Variants in XRRA1 observed in about 807,000 individuals in gnomAD.
XRRA1 encodes the protein X-ray radiation resistance-associated protein 1.
Under a neutral mutation model 80.2 loss-of-function variants are expected in XRRA1, and 69 were observed. The observed-to-expected ratio is 0.86, with a 90% CI of 0.71 to 1.05. XRRA1 has a LOEUF of 1.05. XRRA1 is among the 50% of genes least tolerant of loss of function. The pLI is 0.00. For missense variants in XRRA1, 967 were observed against 976.4 expected (o/e 0.99, Z 0.13); for synonymous variants, 348 against 389.9 (o/e 0.89, Z 1.27).
chr11:74,896,635 G>T (rs2052388468), intron 10 of XRRA1, among the ~76,000 whole-genome samples: 1 of 152,220 alleles, frequency 6.6e-6, no homozygotes, highest in African/African-American at 2.4e-5. Context: ...AAAGCCCAGT[G>T]CTGTGTTGGC....
intron 10 of XRRA1, among the ~76,000 whole-genome samples, chr11:74,877,301 C>T (rs563644550): frequency 5.3e-4 from 80 of 151,978 alleles, no homozygotes; most frequent in African/African-American, 1.9e-3. Context: ...TGTTTTTTTT[C>T]AAAGAAAAAT....
At chr11:74,859,480 T>TA (rs1245518362) in intron 11 of XRRA1, among the ~76,000 whole-genome samples, 197 bp from the exon 12 acceptor site, 2 of 152,136 alleles carry the variant, frequency 1.3e-5, no homozygotes, top group African/African-American at 4.8e-5. Flanking sequence ...TTAGGAGAAT[T>TA]AGCTTACATG....
chr11:74,882,003 A>G (rs1327788501), intron 10 of XRRA1, among the ~76,000 whole-genome samples: 55 of 143,748 alleles, frequency 3.8e-4, no homozygotes, highest in East Asian at 3.5e-3. Flanking sequence ...TGCTCTTCTC[A>G]AGGAGTATCT....
chr11:74,882,584 C>G (rs2047929763), intron 10 of XRRA1, among the ~76,000 whole-genome samples: 1 of 152,210 alleles, frequency 6.6e-6, no homozygotes, highest in Non-Finnish European at 1.5e-5. Context: ...AGGAGAGGCG[C>G]TCTGCTTTTT....
chr11:74,892,348 C>T (rs1369011457), intron 10 of XRRA1, among the ~76,000 whole-genome samples: 1 of 152,100 alleles, frequency 6.6e-6, no homozygotes, highest in Non-Finnish European at 1.5e-5. Context: ...AACTGCCTAG[C>T]CATATGTAGA....
chr11:74,928,458 G>A (rs1366942199), intron 6 of XRRA1, among the ~76,000 whole-genome samples: 2 of 152,168 alleles, frequency 1.3e-5, no homozygotes, highest in Non-Finnish European at 2.9e-5. Context: ...CTCCTGTGAG[G>A]AATGAGATTT....
Position 74,843,105 on chromosome 11 carries a change from C to A in XRRA1, c.*95G>T. 5 of 1,440,460 alleles carry A rather than the reference C, an allele frequency of 3.5e-6. No homozygotes were observed. Among genetic ancestry groups the A allele is most frequent in the African/African-American group, 2.8e-5 (2 of 70,760 alleles). The allele number at this position is 1,440,460 out of a possible 1,614,324, so 89.2% of individuals were successfully genotyped here. On this transcript the variant is annotated 3_prime_UTR_variant, in exon 19 of 19. Transcript: ENST00000684022. ...CCAGCTGAGCTCTGAGGCCTGTGGC[C>A]GGCTGGTCAACCTTGAGGTGCGGTC...
At chr11:74,922,759 A>G (rs1238885465) in intron 7 of XRRA1, among the ~76,000 whole-genome samples, 2 of 152,224 alleles carry the variant, frequency 1.3e-5, no homozygotes, top group Non-Finnish European at 2.9e-5. Context: ...TGGGTGTTTA[A>G]GTCCTGACTA....
In XRRA1 at chr11:74,848,173, C is replaced by A; in HGVS notation, c.1670G>T (p.Ser557Ile). Residue 557 changes from serine (S) to isoleucine (I), a missense_variant, in exon 15 of 19, where the codon AGC becomes ATC. Physicochemically the swap from Ser to Ile is moderately radical, Grantham distance 142. Transcript: ENST00000684022. ...SHLSDTTVRL[S>I]PERPSDEDSK... is the part of the protein sequence containing the mutation. ...GTCCTCATCTGATGGGCGCTCTGGG[C>A]TGAGGCGGACAGTTGTGTCACTCAG... 6.2e-7 allele frequency: 1 copy of A among 1,613,624 alleles called. No individual in the cohort carries two copies. The highest frequency in any genetic ancestry group is 8.5e-7 in the Non-Finnish European group (1 of 1,179,884).
chr11:74,919,654 G>A lies in XRRA1; in HGVS notation c.656+1560C>T, dbSNP rs1004631663. The A allele has an allele frequency of 5.2e-5, 29 of 554,776 alleles. 1 individual carries two copies. The highest frequency in any genetic ancestry group is 1.1e-5 in the Non-Finnish European group (3 of 281,418). 34.4% of individuals were successfully genotyped at this position (554,776 alleles called of 1,614,324 possible). The stretch of plus-strand genomic sequence containing the variant: ...TCTGCCATCAATGAGGTGGTGACCC[G>A]AGAATACACCATCAACATTCACAAG... On this transcript the variant is annotated intron_variant, in intron 8 of 18. Transcript: ENST00000684022.
intron 10 of XRRA1, among the ~76,000 whole-genome samples, chr11:74,868,564 A>C (rs898225863): frequency 1.3e-5 from 2 of 152,212 alleles, no homozygotes; most frequent in African/African-American, 4.8e-5. Flanking sequence ...TGAATAAAGA[A>C]GCAAGACCTG....
chr11:74,886,325 C>T (rs1342372640), intron 10 of XRRA1, among the ~76,000 whole-genome samples: 1 of 152,126 alleles, frequency 6.6e-6, no homozygotes, highest in East Asian at 1.9e-4. Context: ...ATAGTCTCTG[C>T]CCAAAAGCTC....
chr11:74,933,964 T>C lies in XRRA1; in HGVS notation c.280-92A>G, dbSNP rs184157273. 425 of 1,107,734 alleles carry C rather than the reference T, an allele frequency of 3.8e-4. 1 individual carries two copies. The African/African-American group carries it at 6.1e-3, about 16-fold the overall frequency. 68.6% of individuals were successfully genotyped at this position (1,107,734 alleles called of 1,614,324 possible). ...AGCCTTCTCTTGTTGGGCAATCATA[T>C]ACTTGTCATAATTTGTTTGCTTGTT... On this transcript the variant is annotated intron_variant, in intron 4 of 18. Transcript: ENST00000684022.
intron 2 of XRRA1, among the ~76,000 whole-genome samples, chr11:74,943,571 G>C (rs1469830744): frequency 6.8e-6 from 1 of 146,330 alleles, no homozygotes; most frequent in Non-Finnish European, 1.5e-5. Context: ...GTATGTGTCA[G>C]AGAGAGAGAG....
intron 10 of XRRA1, among the ~76,000 whole-genome samples, chr11:74,877,337 A>G (rs1351756029): frequency 6.6e-6 from 1 of 152,200 alleles, no homozygotes; most frequent in Non-Finnish European, 1.5e-5. Flanking sequence ...CACTTCTGGT[A>G]AAGTACAGCG....
chr11:74,934,024 CCATT>C (rs1264443240), intron 4 of XRRA1, among the ~76,000 whole-genome samples, 152 bp from the exon 5 acceptor site: 1 of 148,970 alleles, frequency 6.7e-6, no homozygotes, highest in Non-Finnish European at 1.5e-5. Context: ...CATTATTCAT[CCATT>C]CATTCGCCAA....
At chr11:74,881,531 G>A (rs1473022740) in intron 10 of XRRA1, among the ~76,000 whole-genome samples, 7 of 149,844 alleles carry the variant, frequency 4.7e-5, no homozygotes, top group Admixed American at 2.0e-4. Context: ...TATTTTGCTC[G>A]TTAGTTGATG....
chr11:74,870,901 A>C (rs1326477884), intron 10 of XRRA1, among the ~76,000 whole-genome samples: 2 of 152,224 alleles, frequency 1.3e-5, no homozygotes, highest in African/African-American at 4.8e-5. Flanking sequence ...CAGTTCCTAC[A>C]TTCTTTTAAG....
At chr11:74,879,783 A>G (rs1409449667) in intron 10 of XRRA1, among the ~76,000 whole-genome samples, 6 of 148,068 alleles carry the variant, frequency 4.1e-5, no homozygotes, top group Non-Finnish European at 9.1e-5. Context: ...ATTTGCGTAT[A>G]TTGAACCAGC....
Sources: allele counts gnomAD v4.1 joint callset (sites outside exome capture counted in the v4.1 genomes callset), GRCh38; gene constraint gnomAD v4.1.1; transcripts MANE v1.5; gene names NCBI Gene and HGNC (gene_info 2026-07-23, HGNC 2026-07-21).